The following IL13RA2 variants were observed in gnomAD, a reference collection of about 807,000 sequenced individuals.
The protein encoded by IL13RA2 is interleukin 13 receptor subunit alpha 2.
A neutral mutation model predicts 34.1 loss-of-function variants in IL13RA2; 25 were observed. That is an observed-to-expected ratio of 0.73 (90% confidence interval 0.53 to 1.03). IL13RA2 has a LOEUF of 1.03. Among genes scored for constraint, IL13RA2 ranks in the 50% least tolerant of loss-of-function variants. IL13RA2 has a pLI of 0.00. For synonymous variants in IL13RA2, 106 were observed against 100.4 expected (o/e 1.06, Z -0.33); for missense variants, 297 against 280.9 (o/e 1.06, Z -0.41).
intron 2 of IL13RA2, among the ~76,000 whole-genome samples, chrX:115,016,483 T>C (rs185014787): frequency 4.6e-5 from 5 of 109,423 alleles, no homozygotes; most frequent in African/African-American, 1.7e-4. Flanking sequence ...TGTGGCTTTA[T>C]CTCTGTGCTC....
Position 115,010,735 on chromosome X carries a change from T to C in IL13RA2, c.615A>G (p.Ser205=). The change falls in exon 6 of 10, where the codon TCA becomes TCG. Residue 205 remains serine, a synonymous_variant. Coordinates refer to ENST00000243213, the MANE Select transcript of IL13RA2 (RefSeq NM_000640.3). ...CACAAATATAGAAATCTTTATAGTC[T>C]GATGCCTCCAAATAGGGAAATCTGC... The part of the protein sequence containing the change: ...IGCRFPYLEA[S]DYKDFYICVN... 1 of 1,035,428 alleles carries C rather than the reference T, an allele frequency of 9.7e-7. No homozygotes were observed. Among genetic ancestry groups the C allele is most frequent in the South Asian group, 1.9e-5 (1 of 51,338 alleles). The allele number at this position is 1,035,428 out of a possible 1,213,427, so 85.3% of individuals were successfully genotyped here.
chrX:115,007,015 C>T (rs1186994297), intron 8 of IL13RA2, among the ~76,000 whole-genome samples: 2 of 111,600 alleles, frequency 1.8e-5, no homozygotes, highest in Non-Finnish European at 1.9e-5. Context: ...TTAGGCTTCT[C>T]GTTTATTGCC....
chrX:115,009,488 T>A, intron 7 of IL13RA2, 33 bp downstream of exon 7: 1 of 1,138,920 alleles, frequency 8.8e-7, no homozygotes. Context: ...AGGCTGTAGT[T>A]ATGATTTTCC....
intron 5 of IL13RA2, 115 bp from the exon 6 acceptor site, chrX:115,010,943 G>A: frequency 2.8e-6 from 1 of 363,554 alleles, no homozygotes; most frequent in Non-Finnish European, 4.8e-6. Flanking sequence ...ATTTAATAAT[G>A]TACAATATTT....
intron 8 of IL13RA2, among the ~76,000 whole-genome samples, chrX:115,005,830 G>A (rs1233177427): frequency 8.9e-6 from 1 of 111,991 alleles, no homozygotes; most frequent in African/African-American, 3.2e-5. Flanking sequence ...ACCAAAGGGA[G>A]GGATAAGGTT....
intron 5 of IL13RA2, among the ~76,000 whole-genome samples, chrX:115,011,424 A>C (rs2147586770): frequency 8.9e-6 from 1 of 112,059 alleles, no homozygotes; most frequent in East Asian, 2.8e-4. Context: ...AAATGTTACC[A>C]TATCATTTTA....
At chrX:115,009,046 G>A (rs2071695569) in intron 7 of IL13RA2, among the ~76,000 whole-genome samples, 1 of 111,332 alleles carries the variant, frequency 9.0e-6, no homozygotes, top group Non-Finnish European at 1.9e-5. Flanking sequence ...TGTGATTAAA[G>A]GCATCACCAC....
chrX:115,004,395 T>G (rs187689449), intron 9 of IL13RA2, among the ~76,000 whole-genome samples: 2 of 105,187 alleles, frequency 1.9e-5, no homozygotes, highest in East Asian at 6.4e-4. Context: ...GGACTCCATC[T>G]CTATAAAAAA....
intron 9 of IL13RA2, among the ~76,000 whole-genome samples, chrX:115,004,526 G>A (rs1223676320): frequency 9.3e-6 from 1 of 108,069 alleles, no homozygotes; most frequent in Non-Finnish European, 1.9e-5. Context: ...AGGATTGCTT[G>A]AGCCCTAGAT....
chrX:115,016,009 C>T (rs1362840422), intron 2 of IL13RA2, among the ~76,000 whole-genome samples, 188 bp from the exon 3 acceptor site: 3 of 111,587 alleles, frequency 2.7e-5, no homozygotes, highest in African/African-American at 6.5e-5. Flanking sequence ...CATGGATGAA[C>T]CTTGAGAACA....
chrX:115,013,110 A>G (rs781990638), intron 5 of IL13RA2, among the ~76,000 whole-genome samples: 1 of 111,099 alleles, frequency 9.0e-6, no homozygotes, highest in South Asian at 3.8e-4. Flanking sequence ...GAAAATGGCA[A>G]TATAGGAAGA....
chrX:115,009,218 A>T lies in IL13RA2; in HGVS notation c.852+303T>A, dbSNP rs781795181. ...GTGGTCTTTGTGGGTTTTTTTTTTT[A>T]ATTTTGTTTTGCTTTTACTTGAGGC... On this transcript the variant is annotated intron_variant, in intron 7 of 9. Coordinates refer to ENST00000243213, the MANE Select transcript of IL13RA2 (RefSeq NM_000640.3). Among the ~76,000 whole-genome samples the T allele has an allele frequency of 2.9e-4, 30 of 102,769 alleles. No individual in the cohort carries two copies. In the East Asian group the frequency reaches 8.3e-3, roughly 29 times the overall value. 89.2% of individuals were successfully genotyped at this position (102,769 alleles called of 115,157 possible). A position where few individuals can be genotyped will look rare whatever the true frequency, so the allele number is the denominator to read the frequency against.
intron 8 of IL13RA2, among the ~76,000 whole-genome samples, chrX:115,007,094 T>C (rs1556507809): frequency 8.9e-6 from 1 of 112,097 alleles, no homozygotes; most frequent in African/African-American, 3.2e-5. Flanking sequence ...GCCATATCTG[T>C]AATGCTTGAA....
chrX:115,016,621 A>G (rs1369842740), intron 2 of IL13RA2, among the ~76,000 whole-genome samples: 1 of 105,925 alleles, frequency 9.4e-6, no homozygotes, highest in Non-Finnish European at 1.9e-5. Flanking sequence ...ATATAAATAT[A>G]TGTATTTAAT....
intron 7 of IL13RA2, 32 bp from the exon 8 acceptor site, chrX:115,008,108 A>G (rs2071692274): frequency 1.1e-5 from 11 of 1,036,963 alleles, no homozygotes; most frequent in Non-Finnish European, 1.5e-5. Context: ...AGATGCCATT[A>G]TTTGATCTAG....
At chrX:115,016,095 G>A (rs1556509933) in intron 2 of IL13RA2, among the ~76,000 whole-genome samples, 1 of 111,409 alleles carries the variant, frequency 9.0e-6, no homozygotes, top group Non-Finnish European at 1.9e-5. Flanking sequence ...TTTCAAAATA[G>A]ACAAATTCAT....
chrX:115,005,137 G>A, intron 9 of IL13RA2, 60 bp downstream of exon 9: 2 of 605,628 alleles, frequency 3.3e-6, no homozygotes, highest in Non-Finnish European at 5.7e-6. Context: ...AGTTCTAAGT[G>A]CAGAACATTT....
At chrX:115,005,669 T>C (rs1168763866) in intron 8 of IL13RA2, among the ~76,000 whole-genome samples, 1 of 112,099 alleles carries the variant, frequency 8.9e-6, no homozygotes, top group Non-Finnish European at 1.9e-5. Context: ...ATGTCCTGTG[T>C]GTCTGTCTCT....
In IL13RA2 at chrX:115,005,238, T is replaced by C; in HGVS notation, c.1075A>G (p.Thr359Ala). 8.8e-7 allele frequency: 1 copy of C among 1,136,467 alleles called. No individual in the cohort carries two copies. The allele number at this position is 1,136,467 out of a possible 1,213,427, so 93.7% of individuals were successfully genotyped here. ...GFILILVIFV[T>A]GLLLRKPNTY... ...TTTGGCTTACGCAAAAGCAGACCGG[T>C]TACAAATATAACTAATATTAAGATG... The change falls in exon 9 of 10, where the codon ACC becomes GCC. Residue 359 changes from threonine (T) to alanine (A), a missense_variant. Transcript: ENST00000243213.
Sources: gnomAD v4.1 joint callset for allele counts (sites outside exome capture counted in the v4.1 genomes callset) on GRCh38, gnomAD v4.1.1 for gene constraint, MANE v1.5 for transcripts, NCBI Gene and HGNC (gene_info 2026-07-23, HGNC 2026-07-21) for gene names.